The following SEMA3A variants were observed in gnomAD, a reference collection of about 807,000 sequenced individuals.
SEMA3A encodes semaphorin 3A.
A neutral mutation model predicts 97.9 loss-of-function variants in SEMA3A; 29 were observed. The ratio of observed to expected loss-of-function variants is 0.30; its 90% CI spans 0.22 to 0.40. The LOEUF (loss-of-function observed/expected upper bound fraction) is 0.40. Among genes scored for constraint, SEMA3A ranks in the 10% least tolerant of loss-of-function variants. The pLI, the probability that SEMA3A is intolerant of heterozygous loss-of-function variation, is 1.00. For missense variants in SEMA3A, 763 were observed against 951.3 expected (o/e 0.80, Z 2.60); for synonymous variants, 321 against 323.7 (o/e 0.99, Z 0.09).
chr7:84,360,498 T>C (rs1348709553), intron 2 of SEMA3A, among the ~76,000 whole-genome samples: 1 of 150,440 alleles, frequency 6.6e-6, no homozygotes, highest in Non-Finnish European at 1.5e-5. Flanking sequence ...TGCAATGTGG[T>C]CTGAGAGACA....
chr7:84,220,454 T>A (rs918844581), intron 3 of SEMA3A, among the ~76,000 whole-genome samples: 4 of 152,162 alleles, frequency 2.6e-5, no homozygotes, highest in Non-Finnish European at 5.9e-5. Flanking sequence ...GCAACTAGAA[T>A]TAATCATTTC....
intron 4 of SEMA3A, among the ~76,000 whole-genome samples, chr7:84,097,667 A>G (rs1468430291): frequency 6.6e-6 from 1 of 152,166 alleles, no homozygotes; most frequent in African/African-American, 2.4e-5. Context: ...TTGATTTCTG[A>G]TAATTTGAAA....
At chr7:84,116,623 G>C (rs577497110) in intron 3 of SEMA3A, among the ~76,000 whole-genome samples, 1 of 152,208 alleles carries the variant, frequency 6.6e-6, no homozygotes, top group Non-Finnish European at 1.5e-5. Context: ...GAGGCCCTTA[G>C]TCTAGACCCT....
At chr7:84,031,146 C>T (rs1051789201) in intron 6 of SEMA3A, among the ~76,000 whole-genome samples, 2 of 151,864 alleles carry the variant, frequency 1.3e-5, no homozygotes, top group Non-Finnish European at 2.9e-5. Flanking sequence ...GTGTGTGCCA[C>T]CACGCCTCGC....
chr7:84,156,625 A>C, intron 1 of SEMA3A, among the ~76,000 whole-genome samples: 1 of 152,240 alleles, frequency 6.6e-6, no homozygotes, highest in Non-Finnish European at 1.5e-5. Context: ...TCTGTGGGAA[A>C]GTTTGTATGC....
At chr7:84,461,512 C>A (rs568644788) in intron 1 of SEMA3A, among the ~76,000 whole-genome samples, 6 of 151,170 alleles carry the variant, frequency 4.0e-5, no homozygotes, top group Non-Finnish European at 7.4e-5. Flanking sequence ...AGACAAACTT[C>A]AATGCATAAT....
At chr7:84,314,021 T>C (rs1332884914) in intron 2 of SEMA3A, among the ~76,000 whole-genome samples, 1 of 152,086 alleles carries the variant, frequency 6.6e-6, no homozygotes, top group African/African-American at 2.4e-5. Flanking sequence ...GAGTTTATGA[T>C]AGCAAGGTCT....
At position 84,071,110 on chromosome 7, in the gene SEMA3A, A is replaced by G. The variant is rs80027628; in HGVS notation, c.454-10552T>C. 0.019 allele frequency among the ~76,000 whole-genome samples: 2,932 copies of G among 152,284 alleles called. 260 individuals carry two copies. In the East Asian group the frequency reaches 0.25, roughly 13 times the overall value. ...TTAGATATACACTGTGCAATACTACAGTCACACATTGCATGTGGTTATTTA... is the reference window on the plus strand; with the variant it reads ...TTAGATATACACTGTGCAATACTACGGTCACACATTGCATGTGGTTATTTA... On this transcript the variant is annotated intron_variant, in intron 4 of 16. Coordinates refer to ENST00000265362, the MANE Select transcript of SEMA3A (RefSeq NM_006080.3).
At chr7:84,161,328 C>CA (rs1797028021) in intron 1 of SEMA3A, among the ~76,000 whole-genome samples, 1 of 151,820 alleles carries the variant, frequency 6.6e-6, no homozygotes, top group Admixed American at 6.6e-5. Flanking sequence ...CACGCCATTG[C>CA]ACTCCAGCTT....
intron 6 of SEMA3A, among the ~76,000 whole-genome samples, chr7:84,015,317 A>AT (rs754518766): frequency 3.3e-5 from 5 of 152,184 alleles, no homozygotes; most frequent in Non-Finnish European, 7.3e-5. Context: ...GCAGTCATGA[A>AT]TATCTGTGCA....
chr7:84,148,259 TTGTAGAGAACATTGA>T (rs1796524337), intron 1 of SEMA3A, among the ~76,000 whole-genome samples: 1 of 151,990 alleles, frequency 6.6e-6, no homozygotes, highest in African/African-American at 2.4e-5. Flanking sequence ...TAAAAGAGGC[TTGTAGAGAACATTGA>T]TATGGCATTC....
intron 3 of SEMA3A, among the ~76,000 whole-genome samples, chr7:84,219,916 G>T (rs1220290862): frequency 6.6e-6 from 1 of 152,074 alleles, no homozygotes; most frequent in Admixed American, 6.6e-5. Flanking sequence ...GACTGATCAG[G>T]GTGGCAGTTG....
chr7:84,484,479 TA>T (rs1475442010), intron 1 of SEMA3A, among the ~76,000 whole-genome samples: 1 of 151,716 alleles, frequency 6.6e-6, no homozygotes, highest in African/African-American at 2.4e-5. Context: ...CACTGTGGAG[TA>T]TCTAATAGGA....
At chr7:84,487,270 A>G (rs1806599303) in intron 1 of SEMA3A, among the ~76,000 whole-genome samples, 1 of 152,106 alleles carries the variant, frequency 6.6e-6, no homozygotes, top group African/African-American at 2.4e-5. Flanking sequence ...ACTGGGACCA[A>G]GAGCCCCCCA....
intron 16 of SEMA3A, 60 bp from the exon 17 acceptor site, chr7:83,961,886 G>C: frequency 7.9e-7 from 1 of 1,266,154 alleles, no homozygotes; most frequent in Non-Finnish European, 1.1e-6. Flanking sequence ...TAGAAGCTCT[G>C]AAACTCCGTG....
chr7:84,152,785 T>C (rs1298493322), intron 1 of SEMA3A, among the ~76,000 whole-genome samples: 1 of 152,086 alleles, frequency 6.6e-6, no homozygotes, highest in Non-Finnish European at 1.5e-5. Context: ...ATTTCCAAGA[T>C]TTTAAAAATG....
chr7:84,172,154 A>G (rs970768503), intron 1 of SEMA3A, among the ~76,000 whole-genome samples: 1 of 152,192 alleles, frequency 6.6e-6, no homozygotes, highest in African/African-American at 2.4e-5. Context: ...AAAGAGCAAA[A>G]TGAAAAGCTC....
At chr7:84,208,502 G>T (rs1031212927) in intron 3 of SEMA3A, among the ~76,000 whole-genome samples, 10 of 151,910 alleles carry the variant, frequency 6.6e-5, no homozygotes, top group Non-Finnish European at 1.5e-4. Context: ...TCAAAAATTT[G>T]CAATTAAATG....
chr7:84,335,611 T>A (rs2115966678), intron 2 of SEMA3A, among the ~76,000 whole-genome samples: 1 of 152,196 alleles, frequency 6.6e-6, no homozygotes, highest in African/African-American at 2.4e-5. Flanking sequence ...ATGATAGACA[T>A]TTATGAACTA....
Sources: allele counts gnomAD v4.1 joint callset (sites outside exome capture counted in the v4.1 genomes callset), GRCh38; gene constraint gnomAD v4.1.1; transcripts MANE v1.5; gene names NCBI Gene and HGNC (gene_info 2026-07-23, HGNC 2026-07-21).